The following QTGAL variants were observed in gnomAD, a reference collection of about 807,000 sequenced individuals.
QTGAL encodes the protein queuosine-tRNA galactosyltransferase, also known as BGnT-like protein 1.
chr17:82,947,044 G>A, the QTGAL span: 3 of 1,448,788 alleles, frequency 2.1e-6, no homozygotes, highest in Non-Finnish European at 2.8e-6. Context: ...CCACTGTGGA[G>A]CCTCCTCCAG....
chr17:83,019,232 T>C, the QTGAL span, among the ~76,000 whole-genome samples: 1 of 152,116 alleles, frequency 6.6e-6, no homozygotes, highest in African/African-American at 2.4e-5. Flanking sequence ...ACAGAGTCTA[T>C]GATGCAGGAG....
the QTGAL span, among the ~76,000 whole-genome samples, chr17:83,026,825 G>A: frequency 0.042 from 2,142 of 51,546 alleles, no homozygotes; most frequent in African/African-American, 0.08. Flanking sequence ...GCAGGGCGGG[G>A]AGCCTGCAGA....
chr17:82,986,556 C>T, the QTGAL span, among the ~76,000 whole-genome samples: 1 of 152,224 alleles, frequency 6.6e-6, no homozygotes. Context: ...TCTTTTTCTT[C>T]CCCCGCTTTT....
the QTGAL span, among the ~76,000 whole-genome samples, chr17:82,970,672 C>CGTGGCCATGACCTCCGCACCCAGT: frequency 8.0e-4 from 52 of 65,024 alleles, 10 homozygotes; most frequent in African/African-American, 2.5e-3. Flanking sequence ...CCGCACCCAG[C>CGTGGCCATGACCTCCGCACCCAGT]GTGGCCGTGA....
At chr17:83,015,478 A>T in the QTGAL span, among the ~76,000 whole-genome samples, 1 of 152,388 alleles carries the variant, frequency 6.6e-6, no homozygotes, top group Middle Eastern at 3.4e-3. The surrounding 1 kb of genome is among the most constrained non-coding windows in gnomAD (Gnocchi z 4.4). Flanking sequence ...TGAACACAAC[A>T]GAAATTTCAC....
At chr17:82,967,279 T>C in the QTGAL span, among the ~76,000 whole-genome samples, 1 of 152,264 alleles carries the variant, frequency 6.6e-6, no homozygotes, top group Admixed American at 6.5e-5. Flanking sequence ...TAACTGACAC[T>C]GAGATTACGC....
At chr17:82,947,112 T>C in the QTGAL span, 1 of 715,214 alleles carries the variant, frequency 1.4e-6, no homozygotes, top group Non-Finnish European at 2.3e-6. Context: ...CCTCTGCTAA[T>C]AGCGGAGAGG....
the QTGAL span, among the ~76,000 whole-genome samples, chr17:82,965,055 G>C: frequency 6.8e-6 from 1 of 148,100 alleles, no homozygotes; most frequent in African/African-American, 2.5e-5. Flanking sequence ...CGGGGACATG[G>C]ACGCCTGCAG....
the QTGAL span, chr17:82,942,753 G>A: frequency 1.1e-5 from 6 of 526,314 alleles, no homozygotes; most frequent in South Asian, 1.2e-4. Context: ...GTGATGGAAA[G>A]GCTCACTGCC....
At chr17:82,997,677 T>C in the QTGAL span, among the ~76,000 whole-genome samples, 1 of 152,148 alleles carries the variant, frequency 6.6e-6, no homozygotes, top group African/African-American at 2.4e-5. Flanking sequence ...ATGTGGTACA[T>C]ACACACAATG....
the QTGAL span, among the ~76,000 whole-genome samples, chr17:83,012,031 C>A: frequency 1.4e-5 from 1 of 73,210 alleles, no homozygotes; most frequent in Non-Finnish European, 2.5e-5. Context: ...TGAACACACG[C>A]CACGAACTCC....
the QTGAL span, among the ~76,000 whole-genome samples, chr17:83,018,007 C>G: frequency 3.2e-5 from 3 of 94,276 alleles, no homozygotes; most frequent in African/African-American, 4.2e-5. Context: ...CCGTGAACAC[C>G]GTGCGCCTGT....
the QTGAL span, among the ~76,000 whole-genome samples, chr17:83,024,350 C>T: frequency 5.3e-5 from 8 of 150,984 alleles, no homozygotes; most frequent in African/African-American, 1.5e-4. Context: ...TGCTGCTCCA[C>T]GGTTTCCTGA....
At chr17:83,033,058 A>G in the QTGAL span, among the ~76,000 whole-genome samples, 1 of 152,236 alleles carries the variant, frequency 6.6e-6, no homozygotes, top group Non-Finnish European at 1.5e-5. Flanking sequence ...GCGGCACCCC[A>G]GGAATGCACA....
chr17:83,006,086 A>G, the QTGAL span: 1 of 997,396 alleles, frequency 1.0e-6, no homozygotes, highest in South Asian at 4.5e-5. This position sits in a 1 kb window ranked among gnomAD's most constrained non-coding sequence, Gnocchi z 5.8. Context: ...TCCCGAGTAG[A>G]CGTTCTCACA....
chr17:82,971,660 C>T, the QTGAL span, among the ~76,000 whole-genome samples: 11 of 82,880 alleles, frequency 1.3e-4, no homozygotes, highest in African/African-American at 3.4e-4. Flanking sequence ...CACCACACCA[C>T]AGGGGCCAGA....
chr17:83,014,628 T>A, the QTGAL span: 1 of 1,233,514 alleles, frequency 8.1e-7, no homozygotes, highest in Non-Finnish European at 1.2e-6. Flanking sequence ...CAATCATAGC[T>A]CACTGCAGCC....
the QTGAL span, among the ~76,000 whole-genome samples, chr17:83,017,951 C>T: frequency 1.3e-5 from 2 of 148,286 alleles, no homozygotes; most frequent in African/African-American, 2.5e-5. Context: ...AGGTACCACA[C>T]GTGCTCCGTG....
chr17:83,034,210 G>A, the QTGAL span, among the ~76,000 whole-genome samples: 21 of 152,278 alleles, frequency 1.4e-4, no homozygotes, highest in Middle Eastern at 3.4e-3. Context: ...AAAGTGCTGG[G>A]ATTACAGGCG....
Sources: gnomAD v4.1 joint callset for allele counts (sites outside exome capture counted in the v4.1 genomes callset) on GRCh38, gnomAD v4.1.1 for gene constraint, Gnocchi (gnomAD v3.1) non-coding constraint, MANE v1.5 for transcripts, NCBI Gene and HGNC (gene_info 2026-07-23, HGNC 2026-07-21) for gene names.